Variants in PTN observed in about 807,000 individuals in gnomAD.
The protein encoded by PTN is heparin affin regulatory protein.
In PTN, 18 loss-of-function variants were observed where a neutral mutation model predicts 24.1. That is an observed-to-expected ratio of 0.75 (90% CI 0.52 to 1.11). PTN has a LOEUF of 1.11. Among genes scored for constraint, PTN ranks in the 50% least tolerant of loss-of-function variants. PTN has a pLI of 0.00. For missense variants in PTN, 163 were observed against 198.8 expected, an observed-to-expected ratio of 0.82 and a Z score of 1.08; for synonymous variants, 78 against 68.6, an observed-to-expected ratio of 1.14 and a Z score of -0.67.
In PTN at chr7:137,315,611, G is replaced by A. The variant is rs537529788; in HGVS notation, c.-2+27828C>T. Reference sequence around the variant, plus strand: ...AATGTGGAAAGGGGAGATCTAGCCGGATTCGAACACCCAGGATCTTAAACC... The same window carrying A: ...AATGTGGAAAGGGGAGATCTAGCCGAATTCGAACACCCAGGATCTTAAACC... On this transcript the variant is annotated intron_variant, in intron 1 of 4. Transcript: ENST00000348225. Among the ~76,000 whole-genome samples, 178 of 152,264 alleles carry A rather than the reference G, an allele frequency of 1.2e-3. 1 individual carries two copies. The highest frequency in any genetic ancestry group is 2.3e-3 in the Non-Finnish European group (157 of 68,018).
chr7:137,238,421 T>C (rs1808562093), intron 4 of PTN, among the ~76,000 whole-genome samples: 1 of 152,218 alleles, frequency 6.6e-6, no homozygotes, highest in South Asian at 2.1e-4. Context: ...CTAAGAGTGA[T>C]CATTTGTTTT....
chr7:137,324,400 C>CAGCGAGACCCT (rs1450227907), intron 1 of PTN, among the ~76,000 whole-genome samples: 2 of 115,472 alleles, frequency 1.7e-5, no homozygotes, highest in Non-Finnish European at 3.2e-5. Context: ...CTGGGCAGCA[C>CAGCGAGACCCT]AGCGAGACCC....
chr7:137,327,673 C>T, intron 1 of PTN, among the ~76,000 whole-genome samples: 1 of 152,072 alleles, frequency 6.6e-6, no homozygotes, highest in East Asian at 1.9e-4. Context: ...TATGCAGCCA[C>T]CCTTTTCCAC....
intron 1 of PTN, among the ~76,000 whole-genome samples, chr7:137,276,371 TG>T (rs1175081022): frequency 6.6e-6 from 1 of 152,210 alleles, no homozygotes; most frequent in Non-Finnish European, 1.5e-5. Context: ...TGCAGCATCC[TG>T]AGATAAAGAG....
At chr7:137,293,044 A>G (rs1408952196) in intron 1 of PTN, among the ~76,000 whole-genome samples, 1 of 152,146 alleles carries the variant, frequency 6.6e-6, no homozygotes, top group Non-Finnish European at 1.5e-5. Context: ...ATATTCATTC[A>G]TTTTTACATA....
chr7:137,277,099 TAAG>T (rs994727408), intron 1 of PTN, among the ~76,000 whole-genome samples: 9 of 152,190 alleles, frequency 5.9e-5, no homozygotes, highest in African/African-American at 2.2e-4. Context: ...TCAATGGTAA[TAAG>T]AACACTTAAT....
rs74379376 is a variant in PTN, at chr7:137,332,511, T to G, written c.-2+10928A>C. Among the ~76,000 whole-genome samples the G allele has an allele frequency of 4.3e-3, 662 of 152,310 alleles. 2 individuals carry two copies. Among genetic ancestry groups the G allele is most frequent in the South Asian group, 0.016 (78 of 4,822 alleles). On this transcript the variant is annotated intron_variant, in intron 1 of 4. Transcript: ENST00000348225. The stretch of plus-strand genomic sequence containing the variant: ...CCAGAAACATTATTCAATAATGAAA[T>G]GTATATTGTAAATAAGAAAAAATAA...
chr7:137,286,899 CTG>C (rs1158325504), intron 1 of PTN, among the ~76,000 whole-genome samples: 5 of 152,158 alleles, frequency 3.3e-5, no homozygotes, highest in Non-Finnish European at 5.9e-5. Flanking sequence ...TACAAAATCA[CTG>C]TGAGATAAAC....
chr7:137,248,025 C>T (rs920354304), intron 4 of PTN, among the ~76,000 whole-genome samples: 1 of 152,074 alleles, frequency 6.6e-6, no homozygotes, highest in African/African-American at 2.4e-5. Context: ...ATAATACCCA[C>T]CCGCAAGGAT....
chr7:137,278,728 G>T (rs1032264041), intron 1 of PTN, among the ~76,000 whole-genome samples: 1 of 151,554 alleles, frequency 6.6e-6, no homozygotes, highest in African/African-American at 2.4e-5. Flanking sequence ...ATCACTTGAG[G>T]TCGGAGCTTG....
chr7:137,302,576 G>C (rs996948812), intron 1 of PTN, among the ~76,000 whole-genome samples: 2 of 151,890 alleles, frequency 1.3e-5, no homozygotes, highest in African/African-American at 4.8e-5. Flanking sequence ...CAGTGCCCTC[G>C]TCTACTCTCC....
intron 4 of PTN, chr7:137,236,333 G>C (rs955290141): frequency 3.7e-5 from 26 of 694,770 alleles, no homozygotes; most frequent in Admixed American, 6.1e-5. Context: ...AGTCAGGGGT[G>C]GGGGAATCAG....
In PTN at chr7:137,343,692, A is replaced by G. The variant is rs768211805; in HGVS notation, c.-255T>C. 8.0e-6 allele frequency: 4 copies of G among 499,448 alleles called. No homozygotes were observed. The highest frequency in any genetic ancestry group is 5.7e-5 in the East Asian group (1 of 17,452). 30.9% of individuals were successfully genotyped at this position (499,448 alleles called of 1,614,324 possible). ...GGAACCTGATCCTGCCTTTGACTCA[A>G]TTACGCCCTGACAGGGAGGGAACGG... On this transcript the variant is annotated 5_prime_UTR_variant, in exon 1 of 5. Coordinates refer to ENST00000348225, the MANE Select transcript of PTN (RefSeq NM_002825.7).
At chr7:137,294,250 A>C (rs2128877624) in intron 1 of PTN, among the ~76,000 whole-genome samples, 1 of 152,244 alleles carries the variant, frequency 6.6e-6, no homozygotes, top group South Asian at 2.1e-4. Flanking sequence ...TGTTGAATAC[A>C]GTCTGCTTAG....
intron 1 of PTN, among the ~76,000 whole-genome samples, chr7:137,279,714 C>T (rs533235872): frequency 5.9e-5 from 9 of 152,132 alleles, no homozygotes; most frequent in African/African-American, 1.2e-4. Flanking sequence ...AATTTAGTGA[C>T]GCTATATTTT....
chr7:137,333,232 G>C (rs532225737), intron 1 of PTN, among the ~76,000 whole-genome samples: 34 of 152,106 alleles, frequency 2.2e-4, no homozygotes, highest in Non-Finnish European at 3.8e-4. Flanking sequence ...TCCACCATGA[G>C]TGGATGCCAT....
chr7:137,248,308 A>ATG lies in PTN; in HGVS notation c.451+2920_451+2921dup, dbSNP rs1248874670. 1.1e-4 allele frequency among the ~76,000 whole-genome samples: 16 copies of ATG among 151,438 alleles called. No homozygotes were observed. The South Asian group carries it at 2.1e-3, about 20-fold the overall frequency. On this transcript the variant is annotated intron_variant, in intron 4 of 4. Coordinates refer to ENST00000348225, the MANE Select transcript of PTN (RefSeq NM_002825.7). The stretch of plus-strand genomic sequence containing the variant: ...TAAACTAGGAAAAATATGCCATGGA[A>ATG]TGTGTGTGTGTGTGTGAGTGTGTCT...
Position 137,256,822 on chromosome 7 carries a change from C to T in PTN, c.-1-1848G>A, listed in dbSNP as rs549352050. Among the ~76,000 whole-genome samples the T allele has an allele frequency of 3.8e-4, 57 of 151,934 alleles. No homozygotes were observed. In the South Asian group the frequency reaches 0.011, roughly 29 times the overall value. ...TTATAAAAAACAAAACAAAACAAAACAAAACAAAAACCCCATCAAAAACTG... is the reference window on the plus strand; with the variant it reads ...TTATAAAAAACAAAACAAAACAAAATAAAACAAAAACCCCATCAAAAACTG... On this transcript the variant is annotated intron_variant, in intron 1 of 4. Transcript: ENST00000348225.
intron 1 of PTN, among the ~76,000 whole-genome samples, chr7:137,310,339 T>C (rs1809958924): frequency 6.6e-6 from 1 of 151,080 alleles, no homozygotes; most frequent in Non-Finnish European, 1.5e-5. Context: ...TTAAGGGCCC[T>C]AGTATTTTCA....
Sources: allele counts gnomAD v4.1 joint callset (sites outside exome capture counted in the v4.1 genomes callset), GRCh38; gene constraint gnomAD v4.1.1; transcripts MANE v1.5; gene names NCBI Gene and HGNC (gene_info 2026-07-23, HGNC 2026-07-21).